Variants in MGAT4C observed in about 807,000 individuals in gnomAD.
MGAT4C encodes alpha-1,3-mannosyl-glycoprotein 4-beta-N-acetylglucosaminyltransferase C.
Under a neutral mutation model 40.1 loss-of-function variants are expected in MGAT4C, and 19 were observed. The ratio of observed to expected loss-of-function variants is 0.47; its 90% CI spans 0.33 to 0.70. The LOEUF is 0.70. MGAT4C is among the 30% of genes least tolerant of loss of function. The probability of loss-of-function intolerance (pLI) is 0.02; values close to 1 mark genes in which losing one functional copy is unlikely to be tolerated. For synonymous variants in MGAT4C, 181 were observed against 187.1 expected (o/e 0.97, Z 0.27); for missense variants, 491 against 563.2 (o/e 0.87, Z 1.30).
intron 1 of MGAT4C, among the ~76,000 whole-genome samples, chr12:86,162,595 C>T (rs1246795478): frequency 6.6e-6 from 1 of 151,986 alleles, no homozygotes; most frequent in Non-Finnish European, 1.5e-5. Flanking sequence ...ATACAACATT[C>T]CCATGTAACA....
intron 2 of MGAT4C, among the ~76,000 whole-genome samples, chr12:86,669,200 C>G (rs955453416): frequency 6.6e-6 from 1 of 152,048 alleles, no homozygotes; most frequent in African/African-American, 2.4e-5. Flanking sequence ...GGACCCAGAT[C>G]TTAGTGCAAC....
At chr12:86,734,184 A>G (rs1950951653) in intron 1 of MGAT4C, among the ~76,000 whole-genome samples, 1 of 152,148 alleles carries the variant, frequency 6.6e-6, no homozygotes, top group Admixed American at 6.6e-5. Context: ...AAAGCTAGTT[A>G]TGAAGGGAGA....
intron 3 of MGAT4C, among the ~76,000 whole-genome samples, chr12:86,394,616 TTATATA>T (rs71076194): frequency 2.2e-5 from 3 of 135,472 alleles, no homozygotes; most frequent in East Asian, 4.1e-4. Flanking sequence ...TATATATACT[TTATATA>T]TATATATATA....
chr12:86,340,699 T>C (rs535534083), intron 3 of MGAT4C, among the ~76,000 whole-genome samples: 9 of 152,238 alleles, frequency 5.9e-5, no homozygotes, highest in African/African-American at 2.2e-4. Context: ...GATGACTCTT[T>C]GGAAATAACA....
At chr12:86,484,265 G>A (rs1957981998) in intron 2 of MGAT4C, among the ~76,000 whole-genome samples, 1 of 152,148 alleles carries the variant, frequency 6.6e-6, no homozygotes, top group Non-Finnish European at 1.5e-5. Flanking sequence ...TTCTCTAGAG[G>A]CTTTCTGTCT....
intron 2 of MGAT4C, among the ~76,000 whole-genome samples, chr12:85,990,764 T>C (rs1424890334): frequency 1.3e-5 from 2 of 152,202 alleles, no homozygotes; most frequent in African/African-American, 2.4e-5. Flanking sequence ...TTTTCTTTGA[T>C]CATATTTTTC....
intron 2 of MGAT4C, among the ~76,000 whole-genome samples, chr12:86,535,956 T>A (rs1959060998): frequency 6.6e-6 from 1 of 152,100 alleles, no homozygotes; most frequent in South Asian, 2.1e-4. Flanking sequence ...CAGTATTTTG[T>A]TGATGAAATA....
intron 1 of MGAT4C, among the ~76,000 whole-genome samples, chr12:86,735,567 G>T (rs1490041325): frequency 6.6e-6 from 1 of 151,808 alleles, no homozygotes; most frequent in African/African-American, 2.4e-5. Flanking sequence ...TGGGGTCAAT[G>T]GAAGTATTTG....
chr12:86,173,046 A>C (rs563709620), intron 1 of MGAT4C, among the ~76,000 whole-genome samples: 4 of 152,276 alleles, frequency 2.6e-5, no homozygotes, highest in Admixed American at 1.3e-4. Flanking sequence ...GTTAGCTAGC[A>C]AAATCTACAT....
intron 4 of MGAT4C, among the ~76,000 whole-genome samples, chr12:86,319,088 A>G (rs2136159339): frequency 6.6e-6 from 1 of 152,224 alleles, no homozygotes; most frequent in East Asian, 1.9e-4. Flanking sequence ...TTCCTGTGAG[A>G]ACACATTTTC....
At chr12:86,079,370 A>AT (rs1349061509) in intron 1 of MGAT4C, among the ~76,000 whole-genome samples, 1 of 152,318 alleles carries the variant, frequency 6.6e-6, no homozygotes, top group Non-Finnish European at 1.5e-5. Flanking sequence ...TTGTTCCTAG[A>AT]TATAGCCAAC....
chr12:86,393,095 T>A (rs929468810), intron 3 of MGAT4C, among the ~76,000 whole-genome samples: 16 of 152,160 alleles, frequency 1.1e-4, no homozygotes, highest in Non-Finnish European at 1.9e-4. Context: ...CTTTCCAGGT[T>A]TTTGAAAAAT....
intron 2 of MGAT4C, among the ~76,000 whole-genome samples, chr12:86,533,370 T>C (rs776468649): frequency 5.9e-5 from 9 of 152,004 alleles, no homozygotes; most frequent in Non-Finnish European, 1.0e-4. Context: ...TATAGCCCAT[T>C]CTGTGGAGAA....
At chr12:86,420,348 C>T (rs1311417067) in intron 3 of MGAT4C, among the ~76,000 whole-genome samples, 2 of 151,930 alleles carry the variant, frequency 1.3e-5, no homozygotes, top group Admixed American at 6.6e-5. Context: ...TGCCACTACA[C>T]TGCAGTCTGG....
intron 3 of MGAT4C, among the ~76,000 whole-genome samples, chr12:85,989,144 T>C (rs1289770292): frequency 6.6e-6 from 1 of 152,052 alleles, no homozygotes; most frequent in East Asian, 1.9e-4. Flanking sequence ...ATAGTGATGA[T>C]AGCTAACTTA....
chr12:86,063,874 G>A (rs74851305), intron 1 of MGAT4C, among the ~76,000 whole-genome samples: 3,670 of 152,178 alleles, frequency 0.024, 153 homozygotes, highest in African/African-American at 0.083. Context: ...ATATGCACCC[G>A]TGCAGGAGCA....
At chr12:85,997,968 G>T (rs1886818764) in intron 2 of MGAT4C, among the ~76,000 whole-genome samples, 1 of 152,214 alleles carries the variant, frequency 6.6e-6, no homozygotes, top group South Asian at 2.1e-4. Flanking sequence ...CTTCTGCACT[G>T]CCCTAGCAGA....
chr12:85,963,758 G>A lies in MGAT4C; in HGVS notation c.*15531C>T, dbSNP rs967279236. 3 of 151,942 alleles carry A rather than the reference G, an allele frequency of 2.0e-5. No individual in the cohort carries two copies. Among genetic ancestry groups the A allele is most frequent in the Admixed American group, 6.6e-5 (1 of 15,250 alleles). 9.4% of individuals were successfully genotyped at this position (151,942 alleles called of 1,614,324 possible). ...TGAAGTCTTGTTGTAACGTGTAAAT[G>A]GGGTGGGTGATGGGAGAGAGAAAAC... On this transcript the variant is annotated 3_prime_UTR_variant, in exon 5 of 5. Coordinates refer to ENST00000611864, the MANE Select transcript of MGAT4C (RefSeq NM_001351288.2).
chr12:86,827,132 C>CT (rs1450643707), intron 1 of MGAT4C, among the ~76,000 whole-genome samples: 3 of 151,306 alleles, frequency 2.0e-5, no homozygotes, highest in African/African-American at 7.3e-5. Flanking sequence ...TGTAAAACTG[C>CT]TTTAGTATGA....
Sources: allele counts gnomAD v4.1 joint callset (sites outside exome capture counted in the v4.1 genomes callset), GRCh38; gene constraint gnomAD v4.1.1; transcripts MANE v1.5; gene names NCBI Gene and HGNC (gene_info 2026-07-23, HGNC 2026-07-21).